DNAI7: variants seen among roughly 807,000 people sequenced by gnomAD.
DNAI7 encodes the protein cancer susceptibility 1.
DNAI7 carries 78 observed loss-of-function variants against 86.6 expected under a neutral mutation model. The observed-to-expected ratio is 0.90, with a 90% confidence interval of 0.75 to 1.09. DNAI7 has a LOEUF of 1.09. DNAI7 is among the 50% of genes least tolerant of loss of function. The pLI is 0.00. For synonymous variants in DNAI7, 274 were observed against 273.0 expected (o/e 1.00, Z -0.04); for missense variants, 753 against 810.2 (o/e 0.93, Z 0.86).
chr12:25,150,526 C>T (rs1326648493), intron 6 of DNAI7, among the ~76,000 whole-genome samples: 1 of 147,310 alleles, frequency 6.8e-6, no homozygotes, highest in African/African-American at 2.5e-5. Context: ...ATGGTGTGAA[C>T]CCGGGAGGCG....
intron 2 of DNAI7, among the ~76,000 whole-genome samples, chr12:25,167,718 T>A (rs572902880): frequency 3.9e-5 from 6 of 152,278 alleles, no homozygotes; most frequent in Non-Finnish European, 5.9e-5. Context: ...AGAACTCATT[T>A]ACTTTCTAGA....
chr12:25,169,224 C>T (rs1269322906), intron 2 of DNAI7, among the ~76,000 whole-genome samples: 1 of 152,074 alleles, frequency 6.6e-6, no homozygotes, highest in Non-Finnish European at 1.5e-5. Context: ...GTGAAAATGG[C>T]CTGTTCCTGC....
intron 6 of DNAI7, among the ~76,000 whole-genome samples, chr12:25,152,511 G>A (rs868277953): frequency 4.6e-5 from 7 of 152,172 alleles, no homozygotes; most frequent in African/African-American, 9.7e-5. Context: ...TCCTCCCTAC[G>A]GACCTCACCC....
intron 3 of DNAI7, among the ~76,000 whole-genome samples, chr12:25,159,179 A>G (rs1946560162): frequency 6.6e-6 from 1 of 152,092 alleles, no homozygotes; most frequent in African/African-American, 2.4e-5. Context: ...ATGATGTAGG[A>G]GTGGCTCCCT....
chr12:25,178,968 A>C (rs775064412), intron 2 of DNAI7, among the ~76,000 whole-genome samples: 2 of 151,790 alleles, frequency 1.3e-5, no homozygotes, highest in Non-Finnish European at 2.9e-5. Flanking sequence ...AATTCTTGAG[A>C]AGGATACCTA....
At chr12:25,130,493 C>T (rs184221663) in intron 9 of DNAI7, among the ~76,000 whole-genome samples, 2,147 of 151,046 alleles carry the variant, frequency 0.014, 27 homozygotes, top group Non-Finnish European at 0.023. Flanking sequence ...GCCGAGATAG[C>T]GCCACTGCAC....
Position 25,171,748 on chromosome 12 carries a change from C to T in DNAI7, c.22-10551G>A, listed in dbSNP as rs181394859. ...CAAAATACTAGCTAACCAAATTCAA[C>T]AACACATCAAAAAGATAATTCACCA... is the stretch of plus-strand genomic sequence containing the variant. On this transcript the variant is annotated intron_variant, in intron 2 of 15. Coordinates refer to ENST00000395987, the MANE Select transcript of DNAI7 (RefSeq NM_018272.5). 9.2e-5 allele frequency among the ~76,000 whole-genome samples: 14 copies of T among 152,260 alleles called. 1 individual carries two copies. Among genetic ancestry groups the T allele is most frequent in the Admixed American group, 5.2e-4 (8 of 15,296 alleles).
At chr12:25,135,524 G>A (rs1479900825) in intron 9 of DNAI7, among the ~76,000 whole-genome samples, 1 of 152,164 alleles carries the variant, frequency 6.6e-6, no homozygotes, top group Non-Finnish European at 1.5e-5. Context: ...ACAGACACAA[G>A]CACAGAAGCC....
chr12:25,133,578 G>C (rs1214859830), intron 9 of DNAI7, among the ~76,000 whole-genome samples: 2 of 152,138 alleles, frequency 1.3e-5, no homozygotes, highest in East Asian at 1.9e-4. Flanking sequence ...TCCTGCCCTG[G>C]CACACCTCAC....
rs540213427 is a variant in DNAI7, at chr12:25,149,679, C to T, written c.534G>A (p.Leu178=). The T allele has an allele frequency of 3.7e-6, 6 of 1,602,916 alleles. No individual in the cohort carries two copies. The highest frequency in any genetic ancestry group is 3.4e-5 in the Admixed American group (2 of 59,502). ...IIQYQESILQ[L]QELLHLKFGV... is the part of the protein sequence containing the mutation. ...CGAATTTAAGATGAAGGAGCTCCTG[C>T]AGTTGTAGTATTGATTCTTGGTACT... The change falls in exon 7 of 16, where the codon CTG becomes CTA. Residue 178 remains leucine (L), a synonymous_variant. Coordinates refer to ENST00000395987, the MANE Select transcript of DNAI7 (RefSeq NM_018272.5).
intron 7 of DNAI7, 48 bp from the exon 8 acceptor site, chr12:25,147,152 T>C (rs1330713621): frequency 2.2e-6 from 2 of 900,668 alleles, no homozygotes; most frequent in Admixed American, 2.0e-5. Context: ...GCCTCATAAA[T>C]TATACAAATT....
At chr12:25,112,756 T>C (rs934048017) in intron 13 of DNAI7, among the ~76,000 whole-genome samples, 1 of 152,198 alleles carries the variant, frequency 6.6e-6, no homozygotes, top group Non-Finnish European at 1.5e-5. Flanking sequence ...TTTAACCCAA[T>C]ATATCTAAAA....
At chr12:25,181,006 C>T (rs1949449296) in intron 2 of DNAI7, among the ~76,000 whole-genome samples, 1 of 152,094 alleles carries the variant, frequency 6.6e-6, no homozygotes, top group Non-Finnish European at 1.5e-5. Flanking sequence ...CGGGGTTTCG[C>T]CATGTTGGGC....
chr12:25,111,661 T>C, intron 14 of DNAI7, 111 bp downstream of exon 14: 2 of 476,496 alleles, frequency 4.2e-6, no homozygotes, highest in Non-Finnish European at 6.1e-6. Flanking sequence ...TATAATACTG[T>C]ATAAATGAAT....
intron 9 of DNAI7, among the ~76,000 whole-genome samples, chr12:25,140,208 G>C (rs756448691): frequency 3.3e-5 from 5 of 151,506 alleles, no homozygotes; most frequent in Non-Finnish European, 7.4e-5. Context: ...AATCAGACAA[G>C]ATAAAAAAAC....
intron 9 of DNAI7, among the ~76,000 whole-genome samples, chr12:25,141,754 T>C (rs928806488): frequency 1.3e-5 from 2 of 151,828 alleles, no homozygotes; most frequent in African/African-American, 4.8e-5. Flanking sequence ...TGCTTGAACC[T>C]GGGAGGTGGA....
chr12:25,147,005 G>A lies in DNAI7; in HGVS notation c.685C>T (p.Pro229Ser), dbSNP rs1303939770. Residue 229 changes from proline to serine, a missense_variant, in exon 8 of 16, where the codon CCA becomes TCA. Physicochemically the swap from Pro to Ser is moderately conservative, Grantham distance 74 (BLOSUM62 -1). Coordinates refer to ENST00000395987, the MANE Select transcript of DNAI7 (RefSeq NM_018272.5). ...LYVWANLKKN[P>S]RHRSVRFSET... ...AAGTATTGCCCACAAGGGTACCTTG[G>A]ATTCTTCTTGAGGTTTGCCCACACA... 1.3e-6 allele frequency: 2 copies of A among 1,537,216 alleles called. No individual in the cohort carries two copies. The highest frequency in any genetic ancestry group is 3.4e-5 in the Admixed American group (2 of 59,524).
intron 9 of DNAI7, among the ~76,000 whole-genome samples, chr12:25,137,141 A>T (rs553198171): frequency 1.2e-4 from 19 of 152,316 alleles, no homozygotes; most frequent in African/African-American, 3.8e-4. Context: ...AGACAAAGGA[A>T]AAAGTCTTAA....
chr12:25,181,165 C>A (rs1949469082), intron 2 of DNAI7, among the ~76,000 whole-genome samples: 2 of 152,064 alleles, frequency 1.3e-5, no homozygotes, highest in Non-Finnish European at 2.9e-5. Context: ...AATGGGAGTG[C>A]AGTGGTGCAA....
Sources: gnomAD v4.1 joint callset for allele counts (sites outside exome capture counted in the v4.1 genomes callset) on GRCh38, gnomAD v4.1.1 for gene constraint, MANE v1.5 for transcripts, NCBI Gene and HGNC (gene_info 2026-07-23, HGNC 2026-07-21) for gene names.